The following LHFPL3 variants were observed in gnomAD, a reference collection of about 807,000 sequenced individuals.
LHFPL3 encodes LHFPL tetraspan subfamily member 3 protein.
LHFPL3 carries 5 observed loss-of-function variants against 19.3 expected under a neutral mutation model. The ratio of observed to expected loss-of-function variants is 0.26; its 90% CI spans 0.14 to 0.54. The LOEUF (loss-of-function observed/expected upper bound fraction) is 0.54, where lower values mean the gene tolerates loss of function less well. Among genes scored for constraint, LHFPL3 ranks in the 20% least tolerant of loss-of-function variants. The pLI, the probability that LHFPL3 is intolerant of heterozygous loss-of-function variation, is 0.94. For synonymous variants in LHFPL3, 133 were observed against 126.2 expected (o/e 1.05, Z -0.36); for missense variants, 249 against 307.4 (o/e 0.81, Z 1.42).
intron 1 of LHFPL3, among the ~76,000 whole-genome samples, chr7:104,400,978 A>G (rs1584294641): frequency 6.6e-6 from 1 of 152,222 alleles, no homozygotes; most frequent in East Asian, 1.9e-4. Context: ...GTTATTTGAC[A>G]TCTATAATGG....
At chr7:104,701,329 A>G (rs146328444) in intron 1 of LHFPL3, among the ~76,000 whole-genome samples, 1 of 152,166 alleles carries the variant, frequency 6.6e-6, no homozygotes, top group Non-Finnish European at 1.5e-5. Context: ...CTCCCCACGC[A>G]GTCAAAAATC....
intron 1 of LHFPL3, among the ~76,000 whole-genome samples, chr7:104,642,292 C>T (rs777067074): frequency 6.6e-6 from 1 of 152,070 alleles, no homozygotes; most frequent in Non-Finnish European, 1.5e-5. Context: ...CCCACCTCAG[C>T]CTCCCAGGTA....
intron 2 of LHFPL3, among the ~76,000 whole-genome samples, chr7:104,871,934 A>G (rs973985286): frequency 5.3e-5 from 8 of 152,092 alleles, no homozygotes; most frequent in African/African-American, 1.7e-4. Context: ...CTGGGATTAC[A>G]GGTGTGAGCC....
intron 1 of LHFPL3, among the ~76,000 whole-genome samples, chr7:104,518,183 T>A (rs1214670267): frequency 6.6e-6 from 1 of 152,140 alleles, no homozygotes; most frequent in Non-Finnish European, 1.5e-5. Flanking sequence ...ATTTATACTG[T>A]TTGTTTTGAT....
At chr7:104,891,053 T>C (rs1296902552) in intron 2 of LHFPL3, among the ~76,000 whole-genome samples, 1 of 151,922 alleles carries the variant, frequency 6.6e-6, no homozygotes, top group Non-Finnish European at 1.5e-5. Flanking sequence ...ACAAATCTTT[T>C]GAGCCTTTCT....
intron 1 of LHFPL3, among the ~76,000 whole-genome samples, chr7:104,608,330 G>GT (rs888180053): frequency 2.0e-5 from 3 of 151,922 alleles, no homozygotes; most frequent in African/African-American, 7.3e-5. Context: ...AAAATGAAGA[G>GT]TTCATGTCCT....
At chr7:104,432,087 G>A (rs914338938) in intron 1 of LHFPL3, among the ~76,000 whole-genome samples, 9 of 152,174 alleles carry the variant, frequency 5.9e-5, no homozygotes, top group East Asian at 1.9e-4. Flanking sequence ...GGAGACTAGC[G>A]TGAAGTTTAA....
At chr7:104,373,925 CAAAA>C (rs954093028) in intron 1 of LHFPL3, among the ~76,000 whole-genome samples, 2 of 151,860 alleles carry the variant, frequency 1.3e-5, no homozygotes, top group African/African-American at 2.4e-5. Context: ...AAAACAAAAA[CAAAA>C]AAACATGTTT....
chr7:104,800,156 G>A (rs985564090), intron 2 of LHFPL3: 1 of 152,236 alleles, frequency 6.6e-6, no homozygotes, highest in Non-Finnish European at 1.5e-5. Flanking sequence ...GGCTAATGTT[G>A]CCTTCCCTTT....
chr7:104,432,820 T>C (rs1792027658), intron 1 of LHFPL3, among the ~76,000 whole-genome samples: 1 of 152,152 alleles, frequency 6.6e-6, no homozygotes, highest in Admixed American at 6.5e-5. Flanking sequence ...TGATTCTGCC[T>C]CCTCAGCATA....
chr7:104,497,752 A>G (rs181977458), intron 1 of LHFPL3, among the ~76,000 whole-genome samples: 154 of 152,288 alleles, frequency 1.0e-3, no homozygotes, highest in South Asian at 2.1e-3. Context: ...TTTGGCCCTG[A>G]TATCCCGGTG....
intron 2 of LHFPL3, among the ~76,000 whole-genome samples, chr7:104,767,320 A>G (rs1584523116): frequency 6.6e-6 from 1 of 152,216 alleles, no homozygotes; most frequent in African/African-American, 2.4e-5. Flanking sequence ...TGTGAATGCT[A>G]GAGGATCTGC....
chr7:104,800,042 CT>C (rs1790214521), intron 2 of LHFPL3: 1 of 152,564 alleles, frequency 6.6e-6, no homozygotes. Flanking sequence ...CAGGTCTAGG[CT>C]TTGGTCCTTT....
intron 1 of LHFPL3, among the ~76,000 whole-genome samples, chr7:104,589,127 G>T (rs1331127415): frequency 6.6e-6 from 1 of 152,072 alleles, no homozygotes; most frequent in Non-Finnish European, 1.5e-5. Flanking sequence ...TGATTGCCCT[G>T]GCCAGAACTT....
At chr7:104,334,985 G>T (rs999483375) in intron 1 of LHFPL3, among the ~76,000 whole-genome samples, 3 of 152,062 alleles carry the variant, frequency 2.0e-5, no homozygotes, top group Non-Finnish European at 4.4e-5. Context: ...GTCCTTCCAG[G>T]CTTTCCCACT....
chr7:104,568,071 C>G (rs1168433075), intron 1 of LHFPL3, among the ~76,000 whole-genome samples: 2 of 152,176 alleles, frequency 1.3e-5, no homozygotes, highest in Non-Finnish European at 2.9e-5. Flanking sequence ...AATTACCCTC[C>G]TCTTCAGTTC....
At chr7:104,827,576 G>C (rs1216439785) in intron 2 of LHFPL3, among the ~76,000 whole-genome samples, 1 of 150,678 alleles carries the variant, frequency 6.6e-6, no homozygotes, top group Non-Finnish European at 1.5e-5. Context: ...CACATGTTCA[G>C]TATTTAAACA....
Position 104,328,774 on chromosome 7 carries a change from G to A in LHFPL3, c.-6G>A, listed in dbSNP as rs752475027. 2 of 1,563,668 alleles carry A rather than the reference G, an allele frequency of 1.3e-6. No individual in the cohort carries two copies. The highest frequency in any genetic ancestry group is 1.1e-5 in the South Asian group (1 of 87,058). On this transcript the variant is annotated 5_prime_UTR_variant, in exon 1 of 3. Transcript: ENST00000424859. This position sits in a 1 kb window ranked among gnomAD's most constrained non-coding sequence, Gnocchi z 4.6. ...GAGGAGGAGGAGGAGGAGGAGGAGGGGGAGAATGCCCGGAGCCGCCGCCGC... is the reference window on the plus strand; with the variant it reads ...GAGGAGGAGGAGGAGGAGGAGGAGGAGGAGAATGCCCGGAGCCGCCGCCGC...
chr7:104,562,505 A>C (rs918549819), intron 1 of LHFPL3, among the ~76,000 whole-genome samples: 2,087 of 152,220 alleles, frequency 0.014, 43 homozygotes, highest in African/African-American at 0.047. Context: ...TTCTTCACGT[A>C]GTTCTGGAGC....
Sources: allele counts gnomAD v4.1 joint callset (sites outside exome capture counted in the v4.1 genomes callset), GRCh38; gene constraint gnomAD v4.1.1; non-coding constraint Gnocchi (gnomAD v3.1); transcripts MANE v1.5; gene names NCBI Gene and HGNC (gene_info 2026-07-23, HGNC 2026-07-21).